Variants in MCC observed in about 807,000 individuals in gnomAD.
MCC encodes colorectal mutant cancer protein.
Under a neutral mutation model 116.2 loss-of-function variants are expected in MCC, and 90 were observed. The observed-to-expected ratio is 0.77, with a 90% CI of 0.65 to 0.92. The LOEUF is 0.92. Among genes scored for constraint, MCC ranks in the 40% least tolerant of loss-of-function variants. The probability of loss-of-function intolerance (pLI) is 0.00; values close to 1 mark genes in which losing one functional copy is unlikely to be tolerated. For synonymous variants in MCC, 578 were observed against 510.5 expected (o/e 1.13, Z -1.78); for missense variants, 1,516 against 1,312.2 (o/e 1.16, Z -2.40).
chr5:113,434,495 C>T lies in MCC; in HGVS notation c.171-49283G>A, dbSNP rs1770783844. 2 of 1,613,248 alleles carry T rather than the reference C, an allele frequency of 1.2e-6. No homozygotes were observed. The highest frequency in any genetic ancestry group is 4.5e-5 in the East Asian group (2 of 44,826). The stretch of plus-strand genomic sequence containing the variant: ...TGGCCAAGGAAAGCTGGTGGAACTT[C>T]TTGCGAGCTTCGTCCTCATGCAGGG... On this transcript the variant is annotated intron_variant, in intron 1 of 18. Transcript: ENST00000408903. The surrounding 1 kb of genome is among the most constrained non-coding windows in gnomAD (Gnocchi z 4.2).
Position 113,062,125 on chromosome 5 carries a change from T to G in MCC, c.2213+1859A>C, listed in dbSNP as rs73778907. On this transcript the variant is annotated intron_variant, in intron 14 of 18. Coordinates refer to ENST00000408903, the MANE Select transcript of MCC (RefSeq NM_001085377.2). ...ATTTTTTAAGGAGAATTGGGTGACA[T>G]TGGAGCTAAAGACCTCTGTACTTTG... 1.1e-4 allele frequency among the ~76,000 whole-genome samples: 16 copies of G among 152,256 alleles called. No individual in the cohort carries two copies. In the East Asian group the frequency reaches 1.2e-3, roughly 11 times the overall value.
At chr5:113,248,619 G>C (rs1482545135) in intron 3 of MCC, among the ~76,000 whole-genome samples, 1 of 152,014 alleles carries the variant, frequency 6.6e-6, no homozygotes, top group East Asian at 1.9e-4. Flanking sequence ...TGAAACCCCG[G>C]TTGACCCTCT....
intron 3 of MCC, among the ~76,000 whole-genome samples, chr5:113,312,975 A>C (rs1011728448): frequency 2.0e-5 from 3 of 152,206 alleles, no homozygotes; most frequent in Non-Finnish European, 4.4e-5. Flanking sequence ...ATAAGCTCAC[A>C]GTCTAGTGGG....
intron 3 of MCC, chr5:113,294,603 A>C: frequency 8.4e-7 from 1 of 1,189,794 alleles, no homozygotes; most frequent in Non-Finnish European, 1.0e-6. Flanking sequence ...TTGCTGCAGG[A>C]GGCTCGGTGG....
At chr5:113,103,619 C>G (rs1756562091) in intron 7 of MCC, among the ~76,000 whole-genome samples, 1 of 152,218 alleles carries the variant, frequency 6.6e-6, no homozygotes, top group African/African-American at 2.4e-5. Context: ...TGCATTTTCT[C>G]TTTATGGGCT....
Position 113,434,362 on chromosome 5 carries a change from G to T in MCC, c.171-49150C>A, listed in dbSNP as rs576153450. 2.5e-6 allele frequency: 4 copies of T among 1,613,864 alleles called. No homozygotes were observed. Among genetic ancestry groups the T allele is most frequent in the Middle Eastern group, 1.6e-4 (1 of 6,062 alleles). ...CGACCACTGTCATCCCGCAGGCAGC[G>T]CTTGGAGAAGCTGAAGTCGGACAGC... On this transcript the variant is annotated intron_variant, in intron 1 of 18. Transcript: ENST00000408903. The surrounding 1 kb of genome is among the most constrained non-coding windows in gnomAD (Gnocchi z 4.2).
intron 3 of MCC, among the ~76,000 whole-genome samples, chr5:113,161,478 T>G (rs1303759740): frequency 6.6e-6 from 1 of 152,220 alleles, no homozygotes; most frequent in African/African-American, 2.4e-5. Flanking sequence ...CCTTTAGTGG[T>G]GAAACAGTCA....
intron 1 of MCC, chr5:113,435,772 C>G (rs961158456): frequency 1.5e-4 from 23 of 152,438 alleles, no homozygotes; most frequent in African/African-American, 5.3e-4. Flanking sequence ...GCTGTGAGCT[C>G]CCTCCTGGGG....
At chr5:113,093,116 T>C (rs1755759643) in intron 8 of MCC, among the ~76,000 whole-genome samples, 1 of 152,036 alleles carries the variant, frequency 6.6e-6, no homozygotes, top group Non-Finnish European at 1.5e-5. Flanking sequence ...TTTAAATAAA[T>C]TAAAAGTAAT....
chr5:113,102,407 C>G (rs1756478151), intron 7 of MCC, among the ~76,000 whole-genome samples: 1 of 152,210 alleles, frequency 6.6e-6, no homozygotes, highest in Non-Finnish European at 1.5e-5. Context: ...CATGCCAACT[C>G]AGCGATAAGA....
intron 3 of MCC, among the ~76,000 whole-genome samples, chr5:113,275,965 G>GTTTTT (rs1194323460): frequency 3.3e-5 from 4 of 121,032 alleles, no homozygotes; most frequent in Admixed American, 8.5e-5. Context: ...GATTTCACTT[G>GTTTTT]TTTTGTTTTT....
At chr5:113,195,427 C>A (rs905069743) in intron 3 of MCC, among the ~76,000 whole-genome samples, 3 of 152,148 alleles carry the variant, frequency 2.0e-5, no homozygotes, top group African/African-American at 7.2e-5. Flanking sequence ...TAATTTACAA[C>A]AGCCTCAAAC....
At position 113,275,746 on chromosome 5, in the gene MCC, T is replaced by C. The variant is rs371137988; in HGVS notation, c.627+64773A>G. 2.6e-5 allele frequency among the ~76,000 whole-genome samples: 4 copies of C among 152,264 alleles called. No homozygotes were observed. The East Asian group carries it at 5.8e-4, about 22-fold the overall frequency. Reference sequence around the variant, plus strand: ...GCTATTATAAGTAACTAGAGATGATTTAAAGTATACAGGAGGATGCGCATA... The same window carrying C: ...GCTATTATAAGTAACTAGAGATGATCTAAAGTATACAGGAGGATGCGCATA... On this transcript the variant is annotated intron_variant, in intron 3 of 18. Coordinates refer to ENST00000408903, the MANE Select transcript of MCC (RefSeq NM_001085377.2).
At chr5:113,051,268 A>G (rs965587452) in intron 15 of MCC, among the ~76,000 whole-genome samples, 33 of 152,228 alleles carry the variant, frequency 2.2e-4, no homozygotes, top group African/African-American at 8.0e-4. Context: ...CCCACCACCG[A>G]GGAAATGAGA....
At chr5:113,146,541 C>G (rs1294758551) in intron 4 of MCC, among the ~76,000 whole-genome samples, 1 of 151,958 alleles carries the variant, frequency 6.6e-6, no homozygotes, top group African/African-American at 2.4e-5. Context: ...AAAGAGCTCT[C>G]TCTTCAACCC....
chr5:113,085,986 A>C (rs1755176515), intron 8 of MCC, among the ~76,000 whole-genome samples: 2 of 152,226 alleles, frequency 1.3e-5, no homozygotes, highest in Non-Finnish European at 2.9e-5. Context: ...CACTGTGCCA[A>C]GCCACTGGAT....
intron 12 of MCC, 151 bp from the exon 13 acceptor site, chr5:113,068,334 AG>A: frequency 1.6e-6 from 1 of 614,782 alleles, no homozygotes; most frequent in South Asian, 1.9e-5. Context: ...TTCCCAGGGC[AG>A]GGCCAGTGGC....
At chr5:113,143,695 C>A (rs1485293752) in intron 4 of MCC, among the ~76,000 whole-genome samples, 6 of 152,156 alleles carry the variant, frequency 3.9e-5, no homozygotes, top group Non-Finnish European at 1.5e-5. Flanking sequence ...CTAGATCCAT[C>A]AGATACCTTC....
chr5:113,242,833 G>C (rs1308025537), intron 3 of MCC, among the ~76,000 whole-genome samples: 2 of 152,094 alleles, frequency 1.3e-5, no homozygotes, highest in Admixed American at 1.3e-4. Flanking sequence ...TGTGGAAATC[G>C]AGAAAGCAAA....
Sources: gnomAD v4.1 joint callset for allele counts (sites outside exome capture counted in the v4.1 genomes callset) on GRCh38, gnomAD v4.1.1 for gene constraint, Gnocchi (gnomAD v3.1) non-coding constraint, MANE v1.5 for transcripts, NCBI Gene and HGNC (gene_info 2026-07-23, HGNC 2026-07-21) for gene names.